The following BRI3 variants were observed in gnomAD, a reference collection of about 807,000 sequenced individuals.
BRI3 encodes the protein membrane protein BRI3.
In BRI3, 6 loss-of-function variants were observed where a neutral mutation model predicts 12.8. The ratio of observed to expected loss-of-function variants is 0.47; its 90% CI spans 0.26 to 0.93. The LOEUF (loss-of-function observed/expected upper bound fraction) is 0.93. BRI3 is among the 40% of genes least tolerant of loss of function. BRI3 has a pLI of 0.15. For missense variants in BRI3, 134 were observed against 171.1 expected (o/e 0.78, Z 1.21); for synonymous variants, 91 against 76.1 (o/e 1.20, Z -1.02).
chr7:98,293,645 A>G, downstream of BRI3: 2 of 1,571,224 alleles, frequency 1.3e-6, no homozygotes, highest in Non-Finnish European at 1.8e-6. Flanking sequence ...TACGAGGGAA[A>G]CTGGATTTTA....
intron 2 of BRI3, among the ~76,000 whole-genome samples, chr7:98,288,952 A>T (rs961946783): frequency 6.6e-6 from 1 of 151,788 alleles, no homozygotes; most frequent in Non-Finnish European, 1.5e-5. Flanking sequence ...GTGGGCATGA[A>T]GTTTTTTTCT....
At chr7:98,319,189 G>A in the BRI3 span, among the ~76,000 whole-genome samples, 13 of 152,176 alleles carry the variant, frequency 8.5e-5, no homozygotes, top group Non-Finnish European at 1.5e-4. Context: ...AGGGGACTTT[G>A]GGTGGCAGGA....
At chr7:98,307,525 A>G (rs1189370035) in exon 2 of BRI3, 2 of 1,451,832 alleles carry the variant, frequency 1.4e-6, no homozygotes, top group African/African-American at 2.8e-5. Context: ...ACATACAGAA[A>G]ATAGCCTGGG....
In BRI3 at chr7:98,281,802, C is replaced by G. The variant is rs1238189198; in HGVS notation, c.7C>G (p.His3Asp). MD[H>D]KPLLQERPPA... ...CGGGCGCGGCCGGGCCGCCATGGAC[C>G]ACAAGCCGCTGCTGCAGGAGCGGCC... is the stretch of plus-strand genomic sequence containing the variant. The change falls in exon 1 of 3, where the codon CAC becomes GAC. Residue 3 changes from histidine (H) to aspartate (D), a missense_variant. Transcript: ENST00000297290. 8.2e-7 allele frequency: 1 copy of G among 1,218,004 alleles called. No homozygotes were observed. The highest frequency in any genetic ancestry group is 1.0e-6 in the Non-Finnish European group (1 of 975,648). 75.4% of individuals were successfully genotyped at this position (1,218,004 alleles called of 1,614,324 possible).
intron 2 of BRI3, among the ~76,000 whole-genome samples, chr7:98,290,496 T>A (rs1412887818): frequency 6.9e-6 from 1 of 145,736 alleles, no homozygotes; most frequent in African/African-American, 2.6e-5. Context: ...CGCCCGGCCA[T>A]CTCTCAAGGT....
chr7:98,286,982 T>C (rs1033009767), intron 2 of BRI3, among the ~76,000 whole-genome samples: 2 of 152,180 alleles, frequency 1.3e-5, no homozygotes, highest in African/African-American at 4.8e-5. Context: ...TGCCCACCCT[T>C]AGGCTGACCC....
At chr7:98,320,417 C>T in the BRI3 span, 1 of 696,280 alleles carries the variant, frequency 1.4e-6, no homozygotes, top group South Asian at 1.9e-5. Context: ...CCCGCTGCAA[C>T]CTCCGCCTCC....
At chr7:98,309,749 GGAT>G (rs985440012) in exon 2 of BRI3, 1 of 152,348 alleles carries the variant, frequency 6.6e-6, no homozygotes, top group African/African-American at 2.4e-5. Flanking sequence ...CACCCCACGT[GGAT>G]GGGTTGGGGC....
rs1187308090 is a variant in BRI3, at chr7:98,308,577, T to C, written n.1207T>C. On this transcript the variant is annotated non_coding_transcript_exon_variant, in exon 2 of 2. Transcript: ENST00000485422. Reference sequence around the variant, plus strand: ...CAGCTAGGGCAGGTTTGTCCCATACTCTCTACCCATGAGCACGAGGCTGTG... The same window carrying C: ...CAGCTAGGGCAGGTTTGTCCCATACCCTCTACCCATGAGCACGAGGCTGTG... 4 of 317,862 alleles carry C rather than the reference T, an allele frequency of 1.3e-5. No individual in the cohort carries two copies. The East Asian group carries it at 3.1e-4, about 24-fold the overall frequency. 19.7% of individuals were successfully genotyped at this position (317,862 alleles called of 1,614,324 possible).
intron 2 of BRI3, among the ~76,000 whole-genome samples, chr7:98,287,689 A>T (rs1416982254): frequency 3.9e-5 from 6 of 152,226 alleles, no homozygotes; most frequent in African/African-American, 1.2e-4. Context: ...GTCTGGATGG[A>T]GAATTAGGAA....
At chr7:98,283,721 C>G (rs189524170) in intron 2 of BRI3, among the ~76,000 whole-genome samples, 4 of 152,256 alleles carry the variant, frequency 2.6e-5, no homozygotes, top group Non-Finnish European at 5.9e-5. Context: ...TCCAGCCTGC[C>G]GGAGGAGCCG....
intron 2 of BRI3, among the ~76,000 whole-genome samples, chr7:98,290,873 A>C (rs553111070): frequency 1.3e-5 from 2 of 152,352 alleles, no homozygotes; most frequent in African/African-American, 4.8e-5. Flanking sequence ...TGTTACATGT[A>C]GTGATTAAAT....
chr7:98,320,325 G>A, the BRI3 span: 148 of 1,531,934 alleles, frequency 9.7e-5, no homozygotes, highest in Middle Eastern at 3.5e-4. Context: ...ATATGTTAGC[G>A]GGAAGCCATT....
upstream of BRI3, among the ~76,000 whole-genome samples, chr7:98,306,218 G>A (rs538221196): frequency 2.6e-5 from 4 of 152,264 alleles, no homozygotes; most frequent in South Asian, 8.3e-4. Context: ...GCAGGACTGC[G>A]AGGAGTAGGT....
chr7:98,301,071 C>A (rs781673428), intron 1 of BRI3, among the ~76,000 whole-genome samples: 5 of 152,134 alleles, frequency 3.3e-5, no homozygotes, highest in African/African-American at 1.2e-4. Flanking sequence ...CAGTAGAGGC[C>A]GGCTGGATGA....
At chr7:98,292,976 C>G, downstream of BRI3, 1 of 1,193,508 alleles carries the variant, frequency 8.4e-7, no homozygotes, top group South Asian at 3.6e-5. Context: ...GGGGGTTTCT[C>G]CATCTCTGGA....
chr7:98,282,209 A>G lies in BRI3; in HGVS notation c.143-142A>G, dbSNP rs1315992754. 6 of 846,514 alleles carry G rather than the reference A, an allele frequency of 7.1e-6. 1 individual carries two copies. In the Admixed American group the frequency reaches 1.3e-4, roughly 19 times the overall value. 52.4% of individuals were successfully genotyped at this position (846,514 alleles called of 1,614,324 possible). ...GCTGTTGGCAGATTAGCGCCGAATC[A>G]GGCCCGCGGTGGCCGTCCCGAGGGT... On this transcript the variant is annotated intron_variant, in intron 1 of 2. Transcript: ENST00000297290.
At chr7:98,286,871 C>T (rs1169941496) in intron 2 of BRI3, among the ~76,000 whole-genome samples, 2 of 152,240 alleles carry the variant, frequency 1.3e-5, no homozygotes, top group East Asian at 1.9e-4. Flanking sequence ...ATGTTGCTGC[C>T]AGGTGAGTTT....
chr7:98,302,575 A>G (rs981445574), upstream of BRI3, among the ~76,000 whole-genome samples: 8 of 152,230 alleles, frequency 5.3e-5, no homozygotes, highest in Non-Finnish European at 1.2e-4. Flanking sequence ...TTACAGAAAT[A>G]CAGGAGACAC....
Sources: gnomAD v4.1 joint callset for allele counts (sites outside exome capture counted in the v4.1 genomes callset) on GRCh38, gnomAD v4.1.1 for gene constraint, MANE v1.5 for transcripts, NCBI Gene and HGNC (gene_info 2026-07-23, HGNC 2026-07-21) for gene names.